ADAMTS3: variants seen among roughly 807,000 people sequenced by gnomAD.
ADAMTS3 encodes the protein ADAM metallopeptidase with thrombospondin type 1 motif 3, also known as A disintegrin and metalloproteinase with thrombospondin motifs 3.
A neutral mutation model predicts 129.0 loss-of-function variants in ADAMTS3; 73 were observed. The ratio of observed to expected loss-of-function variants is 0.57; its 90% CI spans 0.47 to 0.69. The LOEUF (loss-of-function observed/expected upper bound fraction) is 0.69. Among genes scored for constraint, ADAMTS3 ranks in the 30% least tolerant of loss-of-function variants. ADAMTS3 has a pLI of 0.00. For synonymous variants in ADAMTS3, 477 were observed against 510.8 expected (o/e 0.93, Z 0.89); for missense variants, 1,457 against 1,514.5 (o/e 0.96, Z 0.63).
At chr4:72,410,605 A>G (rs923231074) in intron 4 of ADAMTS3, among the ~76,000 whole-genome samples, 3 of 152,126 alleles carry the variant, frequency 2.0e-5, no homozygotes, top group African/African-American at 7.2e-5. Flanking sequence ...TCCCCCAAAA[A>G]AGTAGACTGC....
In ADAMTS3 at chr4:72,496,850, A is replaced by G. The variant is rs143808779; in HGVS notation, c.504+51628T>C. On this transcript the variant is annotated intron_variant, in intron 3 of 21. Coordinates refer to ENST00000286657, the MANE Select transcript of ADAMTS3 (RefSeq NM_014243.3). ...TTATAATTCTGTATATTTCAACTCA[A>G]ATACACTTAAAACTGACTTATAAAA... 5.8e-3 allele frequency among the ~76,000 whole-genome samples: 877 copies of G among 152,172 alleles called. 2 individuals are homozygous for G. The highest frequency in any genetic ancestry group is 0.02 in the African/African-American group (832 of 41,534).
intron 3 of ADAMTS3, among the ~76,000 whole-genome samples, chr4:72,435,441 T>C (rs1287228136): frequency 6.6e-6 from 1 of 151,936 alleles, no homozygotes; most frequent in Non-Finnish European, 1.5e-5. Flanking sequence ...ATTTCCTGAA[T>C]TTTTACACTG....
intron 3 of ADAMTS3, among the ~76,000 whole-genome samples, chr4:72,530,364 AAATAT>A (rs1261371195): frequency 2.3e-5 from 2 of 85,188 alleles, no homozygotes; most frequent in Non-Finnish European, 4.0e-5. Flanking sequence ...ATTAATATAT[AAATAT>A]AATATATAAT....
chr4:72,429,510 T>C (rs552552119), intron 3 of ADAMTS3, among the ~76,000 whole-genome samples: 1 of 152,188 alleles, frequency 6.6e-6, no homozygotes, highest in East Asian at 1.9e-4. Flanking sequence ...ACCTAACTTT[T>C]TGATCTTAGA....
At chr4:72,452,538 T>C (rs889064932) in intron 3 of ADAMTS3, among the ~76,000 whole-genome samples, 1 of 151,764 alleles carries the variant, frequency 6.6e-6, no homozygotes, top group Non-Finnish European at 1.5e-5. Context: ...AGTTAGAACA[T>C]GAATCTATCA....
intron 13 of ADAMTS3, among the ~76,000 whole-genome samples, chr4:72,311,428 A>G (rs1221397363): frequency 4.6e-5 from 7 of 152,138 alleles, no homozygotes. Context: ...CTGAGCAGGA[A>G]CAACAGGTAT....
At chr4:72,539,568 G>A (rs982955514) in intron 3 of ADAMTS3, among the ~76,000 whole-genome samples, 5 of 150,544 alleles carry the variant, frequency 3.3e-5, no homozygotes, top group Non-Finnish European at 5.9e-5. Flanking sequence ...TCTGTGCACT[G>A]TTGATGGGAA....
intron 3 of ADAMTS3, among the ~76,000 whole-genome samples, chr4:72,468,751 GA>G (rs35596972): frequency 0.24 from 35,952 of 148,384 alleles, 4,538 homozygotes; most frequent in Non-Finnish European, 0.29. Context: ...CATGTATTAT[GA>G]AAAAAAAAAC....
At chr4:72,344,402 T>C (rs1431739585) in intron 4 of ADAMTS3, among the ~76,000 whole-genome samples, 1 of 152,168 alleles carries the variant, frequency 6.6e-6, no homozygotes, top group Non-Finnish European at 1.5e-5. Flanking sequence ...GTTCTGAATC[T>C]AATACAAATA....
chr4:72,508,140 T>C (rs1472876316), intron 3 of ADAMTS3, among the ~76,000 whole-genome samples: 2 of 152,150 alleles, frequency 1.3e-5, no homozygotes, highest in Non-Finnish European at 2.9e-5. Context: ...AAAATATTCA[T>C]AAGTCATTAA....
At position 72,281,612 on chromosome 4, in the gene ADAMTS3, C is replaced by G. The variant is rs1029518269; in HGVS notation, c.*1524G>C. The G allele has an allele frequency of 6.6e-6, 1 of 152,152 alleles. No homozygotes were observed. Among genetic ancestry groups the G allele is most frequent in the African/African-American group, 2.4e-5 (1 of 41,438 alleles). The allele number at this position is 152,152 out of a possible 1,614,324, so 9.4% of individuals were successfully genotyped here. Reference sequence around the variant, plus strand: ...GTTTCCTTGAAGGGAAACAAGTCATCAACTTAATATCAACTACTAAAAATG... The same window carrying G: ...GTTTCCTTGAAGGGAAACAAGTCATGAACTTAATATCAACTACTAAAAATG... On this transcript the variant is annotated 3_prime_UTR_variant, in exon 22 of 22. Coordinates refer to ENST00000286657, the MANE Select transcript of ADAMTS3 (RefSeq NM_014243.3).
chr4:72,491,929 C>G lies in ADAMTS3; in HGVS notation c.504+56549G>C, dbSNP rs531704650. On this transcript the variant is annotated intron_variant, in intron 3 of 21. Transcript: ENST00000286657. ...GTTGGCAGATTTTTCATTACTAATT[C>G]AATCATCTCTTTATTTGTTATTGTC... Among the ~76,000 whole-genome samples the G allele has an allele frequency of 4.0e-5, 6 of 151,814 alleles. No individual in the cohort carries two copies. In the South Asian group the frequency reaches 1.2e-3, roughly 31 times the overall value.
At chr4:72,317,921 C>T (rs1270866665) in intron 10 of ADAMTS3, among the ~76,000 whole-genome samples, 11 of 151,716 alleles carry the variant, frequency 7.3e-5, no homozygotes, top group East Asian at 3.9e-4. Flanking sequence ...CCCAGCTACT[C>T]GGGAGGCTGA....
chr4:72,366,746 T>A (rs1193449439), intron 4 of ADAMTS3, among the ~76,000 whole-genome samples: 1 of 151,868 alleles, frequency 6.6e-6, no homozygotes, highest in Non-Finnish European at 1.5e-5. Context: ...CATGAAGAAA[T>A]TTTTAAAGGG....
intron 3 of ADAMTS3, among the ~76,000 whole-genome samples, chr4:72,457,826 C>A (rs1347192991): frequency 6.6e-6 from 1 of 150,526 alleles, no homozygotes; most frequent in Non-Finnish European, 1.5e-5. Flanking sequence ...ATATTTTATA[C>A]CCTTCTTTCA....
intron 11 of ADAMTS3, among the ~76,000 whole-genome samples, chr4:72,314,080 C>A (rs1251225972): frequency 6.6e-6 from 1 of 152,068 alleles, no homozygotes; most frequent in African/African-American, 2.4e-5. Context: ...ATACATTCAC[C>A]AGTAAGCATC....
chr4:72,457,071 C>A (rs1028377928), intron 3 of ADAMTS3, among the ~76,000 whole-genome samples: 9 of 151,578 alleles, frequency 5.9e-5, no homozygotes, highest in Non-Finnish European at 1.2e-4. Flanking sequence ...ATTAAAATAT[C>A]TTTTAGTATT....
chr4:72,323,107 A>G lies in ADAMTS3; in HGVS notation c.862-10T>C, dbSNP rs774552011. 6.2e-7 allele frequency: 1 copy of G among 1,605,120 alleles called. No individual in the cohort carries two copies. The highest frequency in any genetic ancestry group is 8.5e-7 in the Non-Finnish European group (1 of 1,172,268). On this transcript the variant is annotated splice_polypyrimidine_tract_variant and intron_variant, in intron 5 of 21. Coordinates refer to ENST00000286657, the MANE Select transcript of ADAMTS3 (RefSeq NM_014243.3). ...GGTAAATTTCATTCACCTAGCAACA[A>G]AAAAAGATAATTGCTAAAAGAAAGG... is the stretch of plus-strand genomic sequence containing the variant.
intron 3 of ADAMTS3, among the ~76,000 whole-genome samples, chr4:72,465,701 G>A (rs1718900552): frequency 6.6e-6 from 1 of 151,936 alleles, no homozygotes; most frequent in African/African-American, 2.4e-5. Flanking sequence ...AATGTTTCAA[G>A]TTGATATGGT....
Sources: gnomAD v4.1 joint callset for allele counts (sites outside exome capture counted in the v4.1 genomes callset) on GRCh38, gnomAD v4.1.1 for gene constraint, MANE v1.5 for transcripts, NCBI Gene and HGNC (gene_info 2026-07-23, HGNC 2026-07-21) for gene names.